The following ZNF497 variants were observed in gnomAD, a reference collection of about 807,000 sequenced individuals.
ZNF497 encodes zinc finger-like protein.
For synonymous variants in ZNF497, 422 were observed against 313.7 expected (o/e 1.35, Z -3.65); for missense variants, 930 against 714.0 (o/e 1.30, Z -3.45).
intron 1 of ZNF497, chr19:58,359,020 C>T (rs1202804522): frequency 2.0e-6 from 1 of 509,174 alleles, no homozygotes; most frequent in African/African-American, 2.0e-5. Context: ...GCAGTGTGCC[C>T]AATAACTGCT....
At chr19:58,361,837 C>T (rs1482835811) in intron 1 of ZNF497, among the ~76,000 whole-genome samples, 1 of 152,182 alleles carries the variant, frequency 6.6e-6, no homozygotes, top group Non-Finnish European at 1.5e-5. Context: ...ATCCGGGTCC[C>T]CCAAGGGCCC....
chr19:58,357,698 C>T (rs772218044), intron 2 of ZNF497, 49 bp from the exon 3 acceptor site: 9 of 1,474,462 alleles, frequency 6.1e-6, no homozygotes, highest in South Asian at 1.4e-5. Flanking sequence ...CAAAGAACAC[C>T]AGACAGAGGG....
At position 58,356,860 on chromosome 19, in the gene ZNF497, G is replaced by T. The variant is rs774534963; in HGVS notation, c.776C>A (p.Ser259Tyr). 3 of 1,587,330 alleles carry T rather than the reference G, an allele frequency of 1.9e-6. 1 individual carries two copies. The South Asian group carries it at 3.4e-5, about 18-fold the overall frequency. Residue 259 changes from serine to tyrosine, a missense_variant, in exon 3 of 3, where the codon TCC becomes TAC. By Grantham distance (144) the Ser-to-Tyr change is moderately radical. Coordinates refer to ENST00000311044, the MANE Select transcript of ZNF497 (RefSeq NM_198458.3). ...RDCGKAFSQS[S>Y]NLAEHLKIHA... ...GATCTTCAGGTGCTCGGCCAGGTTG[G>T]AGCTCTGGCTGAAGGCCTTGCCACA...
chr19:58,358,141 C>T, intron 2 of ZNF497: 3 of 1,263,900 alleles, frequency 2.4e-6, no homozygotes, highest in Non-Finnish European at 3.1e-6. Flanking sequence ...TGGCCGGATC[C>T]CTGGGTAGTC....
chr19:58,356,222 A>G lies in ZNF497; in HGVS notation c.1414T>C (p.Cys472Arg), dbSNP rs1284915561. ...RTHTGERPYA[C>R]GECGKPFSHR... is the part of the protein sequence containing the mutation. ...CTGAAAGGCTTCCCGCACTCGCCGC[A>G]AGCGTAGGGCCTCTCGCCCGTGTGC... Residue 472 changes from cysteine to arginine, a missense_variant, in exon 3 of 3, where the codon TGC (cysteine) becomes CGC (arginine). Transcript: ENST00000311044. The G allele has an allele frequency of 2.5e-6, 4 of 1,603,646 alleles. No individual in the cohort carries two copies. The highest frequency in any genetic ancestry group is 3.4e-6 in the Non-Finnish European group (4 of 1,174,440).
Position 58,357,106 on chromosome 19 carries a change from A to C in ZNF497, c.530T>G (p.Leu177Arg). The C allele has an allele frequency of 1.2e-6, 2 of 1,608,996 alleles. No homozygotes were observed. Among genetic ancestry groups the C allele is most frequent in the Non-Finnish European group, 1.7e-6 (2 of 1,176,472 alleles). The change falls in exon 3 of 3, where the codon CTC (leucine) becomes CGC (arginine). Residue 177 changes from leucine to arginine, a missense_variant. Leu to Arg is a moderately radical substitution (Grantham distance 102). Coordinates refer to ENST00000311044, the MANE Select transcript of ZNF497 (RefSeq NM_198458.3). ...CGKAFRAHSQLIHHQETHSGL... is the reference protein window; with the variant it reads ...CGKAFRAHSQRIHHQETHSGL... ...GCTGTGTGTCTCCTGGTGGTGGATG[A>C]GCTGCGAGTGCGCGCGGAAGGCCTT...
Position 58,356,863 on chromosome 19 carries a change from C to A in ZNF497, c.773G>T (p.Ser258Ile), listed in dbSNP as rs762063902. The part of the protein sequence containing the change: ...CRDCGKAFSQ[S>I]SNLAEHLKIH... Reference sequence around the variant, plus strand: ...CTTCAGGTGCTCGGCCAGGTTGGAGCTCTGGCTGAAGGCCTTGCCACAGTC... The same window carrying A: ...CTTCAGGTGCTCGGCCAGGTTGGAGATCTGGCTGAAGGCCTTGCCACAGTC... Residue 258 changes from serine to isoleucine, a missense_variant, in exon 3 of 3, where the codon AGC (serine) becomes ATC (isoleucine). Coordinates refer to ENST00000311044, the MANE Select transcript of ZNF497 (RefSeq NM_198458.3). The A allele has an allele frequency of 5.0e-6, 8 of 1,587,762 alleles. No individual in the cohort carries two copies. Among genetic ancestry groups the A allele is most frequent in the Non-Finnish European group, 6.8e-6 (8 of 1,172,140 alleles).
Position 58,356,695 on chromosome 19 carries a change from C to T in ZNF497, c.941G>A (p.Ser314Asn). Residue 314 changes from serine (S) to asparagine (N), a missense_variant, in exon 3 of 3, where the codon AGC becomes AAC. By Grantham distance (46) the Ser-to-Asn change is conservative. Coordinates refer to ENST00000311044, the MANE Select transcript of ZNF497 (RefSeq NM_198458.3). ...GCGCTGGTGCTGCAGGAGCTGCGAG[C>T]TCTCGCGGAAAGCCTTTCCGCACTC... ...CAECGKAFRE[S>N]SQLLQHQRTH... 3 of 1,562,284 alleles carry T rather than the reference C, an allele frequency of 1.9e-6. No individual in the cohort carries two copies. The highest frequency in any genetic ancestry group is 2.4e-5 in the East Asian group (1 of 42,442).
chr19:58,357,568 T>C lies in ZNF497; in HGVS notation c.68A>G (p.Lys23Arg). 2.5e-6 allele frequency: 4 copies of C among 1,597,532 alleles called. No individual in the cohort carries two copies. The highest frequency in any genetic ancestry group is 3.4e-6 in the Non-Finnish European group (4 of 1,172,766). Residue 23 changes from lysine (K) to arginine (R), a missense_variant, in exon 3 of 3, where the codon AAG (lysine) becomes AGG (arginine). Lys to Arg is a conservative substitution (Grantham distance 26). Coordinates refer to ENST00000311044, the MANE Select transcript of ZNF497 (RefSeq NM_198458.3). The stretch of plus-strand genomic sequence containing the variant: ...CTCAGAGAGGCCCCTCGTGGCAGTC[T>C]TCACATTGCAGAGGACCTGGCCTTC... The part of the protein sequence containing the change: ...PEEGQVLCNV[K>R]TATRGLSEGA...
Position 58,358,537 on chromosome 19 carries a change from C to T in ZNF497, c.-63G>A. 2 of 1,185,196 alleles carry T rather than the reference C, an allele frequency of 1.7e-6. No homozygotes were observed. The highest frequency in any genetic ancestry group is 3.6e-4 in the Middle Eastern group (1 of 2,784). 73.4% of individuals were successfully genotyped at this position (1,185,196 alleles called of 1,614,324 possible). A position where few individuals can be genotyped will look rare whatever the true frequency, so the allele number is the denominator to read the frequency against. ...CCCAGGGGAGCCTCTTGCTCCTCTC[C>T]CTCCTCTGTCCTGGGGACCAGCTCC... On this transcript the variant is annotated 5_prime_UTR_variant, in exon 2 of 3. Coordinates refer to ENST00000311044, the MANE Select transcript of ZNF497 (RefSeq NM_198458.3).
At chr19:58,358,643 A>G (rs376597134) in intron 1 of ZNF497, 58 bp from the exon 2 acceptor site, 4 of 871,272 alleles carry the variant, frequency 4.6e-6, no homozygotes, top group Admixed American at 2.9e-5. Context: ...GATCTGAGAA[A>G]ACAAGGGGCA....
At chr19:58,357,883 A>C (rs1555780613) in intron 2 of ZNF497, 26 of 1,365,154 alleles carry the variant, frequency 1.9e-5, no homozygotes, top group Non-Finnish European at 9.5e-7. Flanking sequence ...ACATCCCCAC[A>C]CCCGGCCCGG....
chr19:58,356,670 GC>G lies in ZNF497; in HGVS notation c.965del (p.Arg322ProfsTer53), dbSNP rs2052025673. On this transcript the variant is annotated frameshift_variant, in exon 3 of 3. Transcript: ENST00000311044. LOFTEE classifies it low-confidence loss of function (END_TRUNC). ...RESSQLLQHQ[R>X]THTGERPFEC... ...CGAAGGGCCGCTCACCAGTGTGCGT[GC>G]GCTGGTGCTGCAGGAGCTGCGAGCT... is the stretch of plus-strand genomic sequence containing the variant. 1 of 1,552,874 alleles carries G rather than the reference GC, an allele frequency of 6.4e-7. No homozygotes were observed. Among genetic ancestry groups the G allele is most frequent in the African/African-American group, 1.4e-5 (1 of 73,364 alleles).
intron 1 of ZNF497, among the ~76,000 whole-genome samples, chr19:58,361,444 C>A (rs1321825905): frequency 6.6e-6 from 1 of 152,168 alleles, no homozygotes; most frequent in East Asian, 1.9e-4. Context: ...GCGACCTCCG[C>A]CTCCTGGGTA....
chr19:58,358,809 C>T (rs1347977582), intron 1 of ZNF497: 1 of 457,756 alleles, frequency 2.2e-6, no homozygotes, highest in Non-Finnish European at 4.4e-6. Context: ...CCCAGGCCCT[C>T]TCAGCCACCA....
chr19:58,356,340 G>A lies in ZNF497; in HGVS notation c.1296C>T (p.His432=), dbSNP rs1051963419. ...GCCTCTCGCCAGAGTGCAGGCGCTG[G>A]TGCTGGCGCAGCTCGGAGCTGCCGC... ...AFRGSSELRQ[H]QRLHSGERPF... The change falls in exon 3 of 3, where the codon CAC becomes CAT. Residue 432 remains histidine, a synonymous_variant. Coordinates refer to ENST00000311044, the MANE Select transcript of ZNF497 (RefSeq NM_198458.3). 1 of 1,571,334 alleles carries A rather than the reference G, an allele frequency of 6.4e-7. No homozygotes were observed.
At chr19:58,359,110 A>C (rs765766526) in intron 1 of ZNF497, 75 of 1,080,556 alleles carry the variant, frequency 6.9e-5, no homozygotes, top group Non-Finnish European at 9.3e-5. Context: ...CACGCAGCTG[A>C]GCCAGGGCCC....
chr19:58,361,195 G>A (rs1054906704), intron 1 of ZNF497, among the ~76,000 whole-genome samples: 1 of 151,974 alleles, frequency 6.6e-6, no homozygotes, highest in Non-Finnish European at 1.5e-5. Context: ...TTCGTAAAAT[G>A]ACAAAATGGT....
At chr19:58,359,101 A>T in intron 1 of ZNF497, 1 of 981,280 alleles carries the variant, frequency 1.0e-6, no homozygotes, top group Non-Finnish European at 1.4e-6. Flanking sequence ...AACACAGCTC[A>T]CGCAGCTGAG....
Sources: gnomAD v4.1 joint callset for allele counts (sites outside exome capture counted in the v4.1 genomes callset) on GRCh38, gnomAD v4.1.1 for gene constraint, MANE v1.5 for transcripts, NCBI Gene and HGNC (gene_info 2026-07-23, HGNC 2026-07-21) for gene names.